TBC1D23: variants seen among roughly 807,000 people sequenced by gnomAD.
TBC1D23 encodes the protein TBC1 domain family member 23.
In TBC1D23, 55 loss-of-function variants were observed where a neutral mutation model predicts 91.4. The observed-to-expected ratio is 0.60, with a 90% CI of 0.48 to 0.75. The LOEUF (loss-of-function observed/expected upper bound fraction) is 0.75. TBC1D23 is among the 30% of genes least tolerant of loss of function. TBC1D23 has a pLI of 0.00. For synonymous variants in TBC1D23, 289 were observed against 281.0 expected (o/e 1.03, Z -0.28); for missense variants, 725 against 836.1 (o/e 0.87, Z 1.64).
intron 16 of TBC1D23, among the ~76,000 whole-genome samples, chr3:100,316,498 G>A (rs183354972): frequency 1.3e-5 from 2 of 152,076 alleles, no homozygotes; most frequent in East Asian, 3.9e-4. Context: ...CAGAAATGTT[G>A]AGTAGAGGCA....
chr3:100,302,091 G>T lies in TBC1D23; in HGVS notation c.1117G>T (p.Ala373Ser), dbSNP rs1423092437. 5 of 1,612,866 alleles carry T rather than the reference G, an allele frequency of 3.1e-6. No individual in the cohort carries two copies. Among genetic ancestry groups the T allele is most frequent in the East Asian group, 4.5e-5 (2 of 44,788 alleles). ...GATGCTTCAGAATCCATCTGAGTTT[G>T]CACAGTCAGTAAAATCCTTGCTGGA... ...DLMLQNPSEF[A>S]QSVKSLLEAQ... Residue 373 changes from alanine (A) to serine (S), a missense_variant, in exon 11 of 19, where the codon GCA becomes TCA. Coordinates refer to ENST00000394144, the MANE Select transcript of TBC1D23 (RefSeq NM_001199198.3).
chr3:100,301,442 G>C (rs923543317), intron 10 of TBC1D23, among the ~76,000 whole-genome samples: 1 of 152,258 alleles, frequency 6.6e-6, no homozygotes, highest in Non-Finnish European at 1.5e-5. Flanking sequence ...TGAGTGTGCT[G>C]TTTATATTTG....
At chr3:100,285,734 T>A (rs1001442527) in intron 4 of TBC1D23, among the ~76,000 whole-genome samples, 3 of 152,218 alleles carry the variant, frequency 2.0e-5, no homozygotes, top group Non-Finnish European at 2.9e-5. Flanking sequence ...TGTCAACATT[T>A]GTCTTTTTGA....
At chr3:100,267,340 A>T in intron 1 of TBC1D23, 1 of 376,308 alleles carries the variant, frequency 2.7e-6, no homozygotes, top group Non-Finnish European at 5.2e-6. Flanking sequence ...CTGAAATTTA[A>T]TGTCTGTTTG....
intron 1 of TBC1D23, among the ~76,000 whole-genome samples, chr3:100,271,432 A>AT (rs2067598373): frequency 6.6e-6 from 1 of 152,136 alleles, no homozygotes; most frequent in Non-Finnish European, 1.5e-5. Flanking sequence ...AAGAAGTGGA[A>AT]AATAGGAGAG....
chr3:100,311,676 T>G (rs1705627663), intron 14 of TBC1D23, among the ~76,000 whole-genome samples, 157 bp from the exon 15 acceptor site: 1 of 152,250 alleles, frequency 6.6e-6, no homozygotes, highest in Non-Finnish European at 1.5e-5. Flanking sequence ...AAATTGGCTT[T>G]TCTTTGTTTT....
At chr3:100,313,977 T>C (rs1705678140) in intron 15 of TBC1D23, among the ~76,000 whole-genome samples, 1 of 152,156 alleles carries the variant, frequency 6.6e-6, no homozygotes, top group African/African-American at 2.4e-5. Flanking sequence ...AGCCTATGTA[T>C]TGATTAACCT....
chr3:100,322,693 G>T (rs1705880983), intron 18 of TBC1D23, among the ~76,000 whole-genome samples: 1 of 152,000 alleles, frequency 6.6e-6, no homozygotes, highest in African/African-American at 2.4e-5. Flanking sequence ...TATAGTAAAA[G>T]TTGGGAATTG....
intron 13 of TBC1D23, among the ~76,000 whole-genome samples, chr3:100,310,096 A>G (rs950062630): frequency 2.6e-5 from 4 of 152,204 alleles, no homozygotes; most frequent in Admixed American, 2.0e-4. Context: ...CTTGGCTTGC[A>G]GATGGATGCC....
chr3:100,310,660 AT>A, intron 14 of TBC1D23, 118 bp downstream of exon 14: 2 of 729,784 alleles, frequency 2.7e-6, no homozygotes, highest in Non-Finnish European at 2.1e-6. Flanking sequence ...TATAAAGTAT[AT>A]TTTCTATTAG....
chr3:100,271,444 A>G (rs2067598500), intron 1 of TBC1D23, among the ~76,000 whole-genome samples: 1 of 152,138 alleles, frequency 6.6e-6, no homozygotes, highest in South Asian at 2.1e-4. Flanking sequence ...ATAGGAGAGA[A>G]GGGATAATGG....
intron 13 of TBC1D23, among the ~76,000 whole-genome samples, chr3:100,308,348 G>T (rs1044147877): frequency 7.2e-5 from 11 of 152,006 alleles, no homozygotes; most frequent in Non-Finnish European, 1.6e-4. Flanking sequence ...GGTGGCAGGC[G>T]CCTGTAGTCC....
chr3:100,274,356 A>G (rs1390380995), intron 1 of TBC1D23, among the ~76,000 whole-genome samples: 1 of 152,206 alleles, frequency 6.6e-6, no homozygotes, highest in Non-Finnish European at 1.5e-5. Context: ...CAGGTCTGAC[A>G]CTAAAGCTCA....
Position 100,304,868 on chromosome 3 carries a change from T to C in TBC1D23, c.1286T>C (p.Ile429Thr), listed in dbSNP as rs147057989. Residue 429 changes from isoleucine (I) to threonine (T), a missense_variant, in exon 12 of 19, where the codon ATT (isoleucine) becomes ACT (threonine). Physicochemically the swap from Ile to Thr is moderately conservative, Grantham distance 89 (BLOSUM62 -1). Transcript: ENST00000394144. The stretch of plus-strand genomic sequence containing the variant: ...CAGAAAAACAAAGAATATGTGAGTA[T>C]TGCCAGTGGAGGATTTATGGGTAAG... ...FLQKNKEYVS[I>T]ASGGFMALQQ... 489 of 1,506,150 alleles carry C rather than the reference T, an allele frequency of 3.2e-4. 1 individual carries two copies. The highest frequency in any genetic ancestry group is 3.9e-4 in the Non-Finnish European group (419 of 1,084,266). The allele number at this position is 1,506,150 out of a possible 1,614,324, so 93.3% of individuals were successfully genotyped here. A position where few individuals can be genotyped will look rare whatever the true frequency, so the allele number is the denominator to read the frequency against.
chr3:100,268,771 CAT>C (rs2148849246), intron 1 of TBC1D23, among the ~76,000 whole-genome samples: 1 of 152,200 alleles, frequency 6.6e-6, no homozygotes, highest in South Asian at 2.1e-4. Context: ...AAAGTCACCT[CAT>C]ATGTATAGAA....
At chr3:100,321,055 A>G (rs1705849477) in intron 18 of TBC1D23, 84 bp downstream of exon 18, 1 of 1,008,832 alleles carries the variant, frequency 9.9e-7, no homozygotes, top group Admixed American at 2.8e-5. Context: ...TTGTTTCTTT[A>G]TTTTGGGGAA....
intron 15 of TBC1D23, among the ~76,000 whole-genome samples, chr3:100,314,139 C>T (rs1430993412): frequency 8.5e-6 from 1 of 118,230 alleles, no homozygotes; most frequent in Non-Finnish European, 1.6e-5. Context: ...TGCTCTGTTG[C>T]CCAAGCTGGA....
intron 4 of TBC1D23, among the ~76,000 whole-genome samples, chr3:100,287,742 T>G (rs1163825143): frequency 6.6e-6 from 1 of 152,178 alleles, no homozygotes; most frequent in Non-Finnish European, 1.5e-5. Flanking sequence ...TCTTAGATTT[T>G]AGAAATTATT....
At chr3:100,268,104 C>A (rs189434823) in intron 1 of TBC1D23, among the ~76,000 whole-genome samples, 1 of 152,004 alleles carries the variant, frequency 6.6e-6, no homozygotes, top group Non-Finnish European at 1.5e-5. Flanking sequence ...CGGGATGAAT[C>A]GAGGCTGCAG....
Sources: gnomAD v4.1 joint callset for allele counts (sites outside exome capture counted in the v4.1 genomes callset) on GRCh38, gnomAD v4.1.1 for gene constraint, MANE v1.5 for transcripts, NCBI Gene and HGNC (gene_info 2026-07-23, HGNC 2026-07-21) for gene names.